The following GRIA2 variants were observed in gnomAD, a reference collection of about 807,000 sequenced individuals.
GRIA2 encodes glutamate receptor 2.
GRIA2 carries 14 observed loss-of-function variants against 97.3 expected under a neutral mutation model. That is an observed-to-expected ratio of 0.14 (90% CI 0.10 to 0.23). GRIA2 has a LOEUF of 0.23. Ranked by LOEUF, GRIA2 falls within the 10% of genes least tolerant of loss-of-function variation. The probability of loss-of-function intolerance (pLI) is 1.00; values close to 1 mark genes in which losing one functional copy is unlikely to be tolerated. For missense variants in GRIA2, 558 were observed against 1,069.8 expected (o/e 0.52, Z 6.67); for synonymous variants, 412 against 387.8 (o/e 1.06, Z -0.73).
chr4:157,272,382 C>T (rs1307034789), intron 2 of GRIA2, among the ~76,000 whole-genome samples: 3 of 151,964 alleles, frequency 2.0e-5, no homozygotes, highest in African/African-American at 7.3e-5. Flanking sequence ...TGGAGAGACA[C>T]ACAGGCAGAT....
intron 9 of GRIA2, chr4:157,334,353 C>G (rs1042938113): frequency 1.5e-5 from 6 of 407,758 alleles, no homozygotes; most frequent in Admixed American, 3.6e-5. Context: ...AATTCCTACC[C>G]TGGTGCTTAC....
At chr4:157,232,486 T>C (rs1457056563) in intron 2 of GRIA2, among the ~76,000 whole-genome samples, 2 of 152,224 alleles carry the variant, frequency 1.3e-5, no homozygotes, top group East Asian at 3.8e-4. Flanking sequence ...AATTTTGGCT[T>C]TATAATTTTC....
intron 2 of GRIA2, among the ~76,000 whole-genome samples, chr4:157,224,313 C>T (rs1437093471): frequency 6.6e-6 from 1 of 152,102 alleles, no homozygotes; most frequent in African/African-American, 2.4e-5. Flanking sequence ...AAAAGCATGA[C>T]ATTTGCAACT....
At chr4:157,249,355 A>C (rs1730922835) in intron 2 of GRIA2, 2 of 152,256 alleles carry the variant, frequency 1.3e-5, no homozygotes, top group South Asian at 4.1e-4. Context: ...TGCACTGTGA[A>C]CCCTTTCTGG....
rs779080483 is a variant in GRIA2 at position 157,323,336 on chromosome 4, CAAAAAAAAAAAAAA to C, written c.882+1754_882+1767del. Among the ~76,000 whole-genome samples the C allele has an allele frequency of 1.2e-4, 6 of 51,474 alleles. No homozygotes were observed. In the East Asian group the frequency reaches 3.5e-3, roughly 30 times the overall value. 33.8% of individuals were successfully genotyped at this position (51,474 alleles called of 152,430 possible). A position where few individuals can be genotyped will look rare whatever the true frequency, so the allele number is the denominator to read the frequency against. The stretch of plus-strand genomic sequence containing the variant: ...TGGGAGACAGAGCGAGACTCTGTCT[CAAAAAAAAAAAAAA>C]AAAAAAAAAAAAAAAAGACATACTG... On this transcript the variant is annotated intron_variant, in intron 6 of 15. Coordinates refer to ENST00000264426, the MANE Select transcript of GRIA2 (RefSeq NM_001083619.3).
intron 2 of GRIA2, among the ~76,000 whole-genome samples, chr4:157,233,373 G>A (rs566059613): frequency 2.6e-5 from 4 of 152,164 alleles, no homozygotes; most frequent in African/African-American, 9.6e-5. Context: ...GATATTTCAA[G>A]CACATATTTA....
intron 1 of GRIA2, 57 bp from the exon 2 acceptor site, chr4:157,221,610 T>G (rs1461938891): frequency 1.3e-6 from 2 of 1,579,672 alleles, no homozygotes; most frequent in Non-Finnish European, 1.7e-6. Flanking sequence ...CGCGCGCCCC[T>G]CCTTTCCCTC....
intron 5 of GRIA2, among the ~76,000 whole-genome samples, chr4:157,320,456 GA>G (rs1410157943): frequency 6.6e-6 from 1 of 152,012 alleles, no homozygotes. Flanking sequence ...AACTTAACTG[GA>G]ACATACCTAC....
intron 3 of GRIA2, among the ~76,000 whole-genome samples, chr4:157,307,737 G>C (rs1733903761): frequency 6.6e-6 from 1 of 152,318 alleles, no homozygotes; most frequent in Middle Eastern, 3.4e-3. Flanking sequence ...TCTACAGAGA[G>C]TAGGTAAAAA....
At chr4:157,261,679 C>T (rs28373461) in intron 2 of GRIA2, among the ~76,000 whole-genome samples, 8,053 of 152,192 alleles carry the variant, frequency 0.053, 300 homozygotes, top group Middle Eastern at 0.14. Flanking sequence ...AATACTTCCT[C>T]CACCTTCGTG....
At chr4:157,302,088 G>C (rs1185650843) in intron 2 of GRIA2, among the ~76,000 whole-genome samples, 1 of 151,120 alleles carries the variant, frequency 6.6e-6, no homozygotes, top group African/African-American at 2.4e-5. Flanking sequence ...CAGGAGAATC[G>C]CTTGAACCCG....
Position 157,364,734 on chromosome 4 carries a change from AC to A in GRIA2, c.*1304del. On this transcript the variant is annotated 3_prime_UTR_variant, in exon 16 of 16. Transcript: ENST00000264426. Reference sequence around the variant, plus strand: ...TTTAAAATTATAAAAGCTGTCATAAACTTTATATATTATGAATTTTAAAATA... The same window carrying A: ...TTTAAAATTATAAAAGCTGTCATAAATTTATATATTATGAATTTTAAAATA... The A allele has an allele frequency of 6.6e-6, 1 of 152,238 alleles. No homozygotes were observed. The highest frequency in any genetic ancestry group is 1.9e-4 in the East Asian group (1 of 5,156). 9.4% of individuals were successfully genotyped at this position (152,238 alleles called of 1,614,324 possible). A position where few individuals can be genotyped will look rare whatever the true frequency, so the allele number is the denominator to read the frequency against.
intron 6 of GRIA2, among the ~76,000 whole-genome samples, chr4:157,326,746 A>T (rs180988690): frequency 3.7e-4 from 57 of 152,352 alleles, no homozygotes; most frequent in African/African-American, 1.4e-3. Flanking sequence ...ATTTGAAGAA[A>T]TGCTGAGAAA....
At chr4:157,319,037 C>A (rs1734443186) in intron 5 of GRIA2, among the ~76,000 whole-genome samples, 1 of 152,126 alleles carries the variant, frequency 6.6e-6, no homozygotes, top group South Asian at 2.1e-4. Context: ...TATTGGGTTG[C>A]TCAAGACAAA....
chr4:157,325,161 T>C (rs142045493), intron 6 of GRIA2, among the ~76,000 whole-genome samples: 38 of 152,266 alleles, frequency 2.5e-4, no homozygotes, highest in African/African-American at 8.9e-4. Context: ...GTTTTCATCT[T>C]CCCCTAAAGT....
chr4:157,265,473 A>G (rs1731728997), intron 2 of GRIA2, among the ~76,000 whole-genome samples: 1 of 152,108 alleles, frequency 6.6e-6, no homozygotes. Flanking sequence ...GAATTGCATG[A>G]TGACTGCATT....
At chr4:157,295,593 C>T (rs1021377491) in intron 2 of GRIA2, among the ~76,000 whole-genome samples, 2 of 152,014 alleles carry the variant, frequency 1.3e-5, no homozygotes, top group Non-Finnish European at 2.9e-5. Flanking sequence ...TTGAGAGATG[C>T]TACACTGCCA....
intron 2 of GRIA2, among the ~76,000 whole-genome samples, chr4:157,277,219 A>G (rs1039895299): frequency 1.3e-5 from 2 of 151,940 alleles, no homozygotes; most frequent in Admixed American, 6.6e-5. Flanking sequence ...TCAAGTGGCA[A>G]GGATAGTTCA....
At chr4:157,253,530 A>T (rs1037915090) in intron 2 of GRIA2, among the ~76,000 whole-genome samples, 1 of 152,096 alleles carries the variant, frequency 6.6e-6, no homozygotes. Flanking sequence ...TTCTTCTGAA[A>T]CTGTTTGAGA....
Sources: gnomAD v4.1 joint callset for allele counts (sites outside exome capture counted in the v4.1 genomes callset) on GRCh38, gnomAD v4.1.1 for gene constraint, MANE v1.5 for transcripts, NCBI Gene and HGNC (gene_info 2026-07-23, HGNC 2026-07-21) for gene names.